Variants in LMNTD1 observed in about 807,000 individuals in gnomAD.
LMNTD1 encodes lamin tail domain-containing protein 1.
LMNTD1 carries 35 observed loss-of-function variants against 50.9 expected under a neutral mutation model. The ratio of observed to expected loss-of-function variants is 0.69; its 90% CI spans 0.53 to 0.91. The LOEUF is 0.91. Among genes scored for constraint, LMNTD1 ranks in the 40% least tolerant of loss-of-function variants. The pLI, the probability that LMNTD1 is intolerant of heterozygous loss-of-function variation, is 0.00. For synonymous variants in LMNTD1, 153 were observed against 161.9 expected (o/e 0.94, Z 0.42); for missense variants, 470 against 475.5 (o/e 0.99, Z 0.11).
intron 1 of LMNTD1, among the ~76,000 whole-genome samples, chr12:25,591,915 GATA>G (rs1945712232): frequency 6.6e-6 from 1 of 151,520 alleles, no homozygotes; most frequent in African/African-American, 2.4e-5. Context: ...TGGTAACCCA[GATA>G]ATTCTTCCAG....
At position 25,509,626 on chromosome 12, in the gene LMNTD1, G is replaced by C. The variant is rs76781418; in HGVS notation, c.1190-5826C>G. ...AAAGATGTGTCCTAACCCTTGGAAC[G>C]TGCGAACATGACTTTATTTGGACAT... On this transcript the variant is annotated intron_variant, in intron 8 of 9. Transcript: ENST00000458174. Among the ~76,000 whole-genome samples the C allele has an allele frequency of 3.6e-3, 555 of 152,240 alleles. 4 individuals are homozygous for C. The highest frequency in any genetic ancestry group is 0.013 in the African/African-American group (540 of 41,530).
At chr12:25,622,463 G>GACCCCCCCC (rs1946491734) in intron 1 of LMNTD1, among the ~76,000 whole-genome samples, 1 of 111,154 alleles carries the variant, frequency 9.0e-6, no homozygotes, top group Non-Finnish European at 2.0e-5. Context: ...GAGTTTGTGA[G>GACCCCCCCC]CCCGCCCCCC....
chr12:25,611,613 A>T (rs1333073468), intron 1 of LMNTD1, among the ~76,000 whole-genome samples: 2 of 152,256 alleles, frequency 1.3e-5, no homozygotes, highest in Non-Finnish European at 2.9e-5. Flanking sequence ...AAGAACAAAA[A>T]CATAATGAGA....
intron 1 of LMNTD1, among the ~76,000 whole-genome samples, chr12:25,622,186 T>A (rs527327906): frequency 1.6e-4 from 25 of 151,968 alleles, no homozygotes; most frequent in African/African-American, 5.8e-4. Flanking sequence ...TGGAGGGGAG[T>A]CAAGAGTTTG....
At chr12:25,512,900 C>G (rs1348451414) in intron 8 of LMNTD1, among the ~76,000 whole-genome samples, 1 of 151,840 alleles carries the variant, frequency 6.6e-6, no homozygotes, top group Non-Finnish European at 1.5e-5. Context: ...TCTCATGACT[C>G]CCAAAACATC....
intron 9 of LMNTD1, among the ~76,000 whole-genome samples, chr12:25,502,250 A>G (rs932996832): frequency 1.3e-5 from 2 of 151,986 alleles, no homozygotes; most frequent in South Asian, 2.1e-4. Context: ...TTTTGTATAC[A>G]ATAAAATGTC....
intron 1 of LMNTD1, among the ~76,000 whole-genome samples, chr12:25,606,358 T>C (rs1946102067): frequency 6.6e-6 from 1 of 152,308 alleles, no homozygotes; most frequent in South Asian, 2.1e-4. Flanking sequence ...TGGCCAGAAC[T>C]TCCAACACTG....
In LMNTD1 at chr12:25,578,673, C is replaced by T. The variant is rs534557012; in HGVS notation, c.59-32119G>A. Among the ~76,000 whole-genome samples the T allele has an allele frequency of 3.9e-5, 6 of 152,234 alleles. No homozygotes were observed. The South Asian group carries it at 1.0e-3, about 26-fold the overall frequency. ...CCACAGTTGCCATTTGCCAAGTCAG[C>T]ATTGAATTTTTATGTGCAGCCTGTT... On this transcript the variant is annotated intron_variant, in intron 1 of 7. Coordinates refer to the LMNTD1 transcript ENST00000445693.
chr12:25,586,441 C>T (rs1945526278), intron 1 of LMNTD1, among the ~76,000 whole-genome samples: 1 of 152,182 alleles, frequency 6.6e-6, no homozygotes, highest in Non-Finnish European at 1.5e-5. Context: ...TGGTCTTCCT[C>T]ACTTCCAATG....
intron 4 of LMNTD1, among the ~76,000 whole-genome samples, chr12:25,543,628 C>G (rs74512944): frequency 1.3e-5 from 2 of 151,014 alleles, no homozygotes; most frequent in Non-Finnish European, 3.0e-5. Context: ...TACTAATTTT[C>G]AGTTTGTTTT....
At chr12:25,630,371 G>A (rs1946689567) in intron 1 of LMNTD1, among the ~76,000 whole-genome samples, 1 of 152,078 alleles carries the variant, frequency 6.6e-6, no homozygotes, top group Non-Finnish European at 1.5e-5. Context: ...GTGGAGGTTC[G>A]CATTGTGAAT....
At chr12:25,563,026 T>C (rs576533845) in intron 1 of LMNTD1, among the ~76,000 whole-genome samples, 21 of 152,346 alleles carry the variant, frequency 1.4e-4, no homozygotes, top group African/African-American at 5.1e-4. Context: ...TTATTCCAGT[T>C]ATCCATTTGT....
chr12:25,635,267 G>C (rs1405126677), intron 1 of LMNTD1, among the ~76,000 whole-genome samples: 1 of 93,652 alleles, frequency 1.1e-5, no homozygotes, highest in South Asian at 3.3e-4. Flanking sequence ...AAAAAAAAAA[G>C]AATTCAGTAA....
At chr12:25,559,448 A>C (rs904932746) in intron 1 of LMNTD1, among the ~76,000 whole-genome samples, 1 of 152,176 alleles carries the variant, frequency 6.6e-6, no homozygotes, top group Admixed American at 6.5e-5. Context: ...TCTATCATTG[A>C]TGGACATTTG....
chr12:25,576,758 T>C (rs984090933), intron 1 of LMNTD1, among the ~76,000 whole-genome samples: 10 of 152,244 alleles, frequency 6.6e-5, no homozygotes, highest in Non-Finnish European at 1.5e-4. Context: ...AGTCATGAAG[T>C]CCTTGCCCAT....
chr12:25,628,739 C>A (rs2136588772), intron 1 of LMNTD1, among the ~76,000 whole-genome samples: 1 of 152,256 alleles, frequency 6.6e-6, no homozygotes, highest in East Asian at 1.9e-4. Flanking sequence ...ATGCCAGCAG[C>A]CTCTAGAAGC....
intron 1 of LMNTD1, among the ~76,000 whole-genome samples, chr12:25,561,314 A>G (rs1350971173): frequency 6.6e-6 from 1 of 152,212 alleles, no homozygotes; most frequent in Non-Finnish European, 1.5e-5. Context: ...ACTGCTTTAA[A>G]TGTGTCCCAG....
chr12:25,616,093 A>AAC (rs10564512), intron 1 of LMNTD1, among the ~76,000 whole-genome samples: 17,549 of 148,612 alleles, frequency 0.12, 1,075 homozygotes, highest in Middle Eastern at 0.15. Flanking sequence ...ACACACACAT[A>AAC]ACACACACAC....
At chr12:25,631,911 G>A (rs1001185812) in intron 1 of LMNTD1, among the ~76,000 whole-genome samples, 1 of 152,134 alleles carries the variant, frequency 6.6e-6, no homozygotes, top group South Asian at 2.1e-4. Flanking sequence ...GATACAAAAA[G>A]TGAAGGGTGA....
Sources: gnomAD v4.1 joint callset for allele counts (sites outside exome capture counted in the v4.1 genomes callset) on GRCh38, gnomAD v4.1.1 for gene constraint, MANE v1.5 for transcripts, NCBI Gene and HGNC (gene_info 2026-07-23, HGNC 2026-07-21) for gene names.